The following FAM168A variants were observed in gnomAD, a reference collection of about 807,000 sequenced individuals.
The protein encoded by FAM168A is protein FAM168A.
Under a neutral mutation model 28.5 loss-of-function variants are expected in FAM168A, and 3 were observed. That is an observed-to-expected ratio of 0.11 (90% CI 0.05 to 0.27). The LOEUF is 0.27. FAM168A is among the 10% of genes least tolerant of loss of function. FAM168A has a pLI of 1.00. For synonymous variants in FAM168A, 122 were observed against 124.2 expected (o/e 0.98, Z 0.12); for missense variants, 222 against 311.5 (o/e 0.71, Z 2.16).
intron 1 of FAM168A, among the ~76,000 whole-genome samples, chr11:73,554,184 G>A (rs958490883): frequency 1.3e-4 from 19 of 151,954 alleles, no homozygotes; most frequent in African/African-American, 4.4e-4. Context: ...AGACCAGCCC[G>A]GGCAACACAG....
intron 1 of FAM168A, among the ~76,000 whole-genome samples, chr11:73,476,110 T>A (rs540171061): frequency 6.6e-6 from 1 of 152,260 alleles, no homozygotes; most frequent in African/African-American, 2.4e-5. Context: ...TGATCCTGGG[T>A]GAATTTAAGG....
At chr11:73,461,385 T>G (rs1867644346) in intron 2 of FAM168A, among the ~76,000 whole-genome samples, 1 of 152,218 alleles carries the variant, frequency 6.6e-6, no homozygotes, top group Admixed American at 6.5e-5. Flanking sequence ...CTTAAAGTGC[T>G]GGGATTACAG....
At chr11:73,584,408 C>T (rs1944283749) in intron 1 of FAM168A, among the ~76,000 whole-genome samples, 1 of 151,746 alleles carries the variant, frequency 6.6e-6, no homozygotes, top group Non-Finnish European at 1.5e-5. Context: ...AGTGATCCTC[C>T]TGCCTTGGCT....
At chr11:73,555,265 C>A (rs1026052274) in intron 1 of FAM168A, among the ~76,000 whole-genome samples, 1 of 152,096 alleles carries the variant, frequency 6.6e-6, no homozygotes, top group Non-Finnish European at 1.5e-5. Context: ...TTAAGCCAAG[C>A]AGCTATACAT....
chr11:73,574,936 G>A (rs1197332059), intron 1 of FAM168A, among the ~76,000 whole-genome samples: 2 of 144,704 alleles, frequency 1.4e-5, no homozygotes, highest in Non-Finnish European at 3.0e-5. Context: ...TACTCTACTA[G>A]CAGTAGCATT....
At chr11:73,463,494 T>C (rs541239429) in intron 2 of FAM168A, among the ~76,000 whole-genome samples, 136 of 152,256 alleles carry the variant, frequency 8.9e-4, no homozygotes, top group Middle Eastern at 6.8e-3. Flanking sequence ...GAGACATTCA[T>C]GGAGGAGATG....
Position 73,401,685 on chromosome 11 carries a change from T to C in FAM168A, c.*5078A>G, listed in dbSNP as rs996918986. On this transcript the variant is annotated 3_prime_UTR_variant, in exon 8 of 8. Coordinates refer to ENST00000356467, the MANE Select transcript of FAM168A (RefSeq NM_015159.3). ...AGCAAGGATATCCAGGGACTATCCA[T>C]GTGGCCATAGGGAAGCAAGTGCTGT... The C allele has an allele frequency of 1.3e-5, 2 of 152,366 alleles. No individual in the cohort carries two copies. The highest frequency in any genetic ancestry group is 2.1e-4 in the South Asian group (1 of 4,828). 9.4% of individuals were successfully genotyped at this position (152,366 alleles called of 1,614,324 possible). A position where few individuals can be genotyped will look rare whatever the true frequency, so the allele number is the denominator to read the frequency against.
chr11:73,427,212 C>CT (rs1866902575), intron 3 of FAM168A, among the ~76,000 whole-genome samples: 1 of 152,000 alleles, frequency 6.6e-6, no homozygotes, highest in Admixed American at 6.6e-5. Context: ...AGGATGGTCT[C>CT]TATCTCCTGA....
intron 1 of FAM168A, among the ~76,000 whole-genome samples, chr11:73,573,680 C>T (rs1944136207): frequency 6.6e-6 from 1 of 152,074 alleles, no homozygotes; most frequent in Admixed American, 6.5e-5. Context: ...GGCTCATGCC[C>T]GTAATCCCAG....
At chr11:73,481,067 A>G (rs564823337) in intron 1 of FAM168A, among the ~76,000 whole-genome samples, 20 of 151,238 alleles carry the variant, frequency 1.3e-4, no homozygotes, top group South Asian at 6.2e-4. Context: ...CCTTCCCTCT[A>G]TCCCTCAGTC....
At chr11:73,457,056 T>C (rs1867545765) in intron 2 of FAM168A, among the ~76,000 whole-genome samples, 2 of 152,182 alleles carry the variant, frequency 1.3e-5, no homozygotes, top group South Asian at 2.1e-4. Context: ...TATTGTATGA[T>C]TCTACTTATA....
intron 1 of FAM168A, among the ~76,000 whole-genome samples, chr11:73,587,867 A>G (rs1227906397): frequency 6.6e-6 from 1 of 152,032 alleles, no homozygotes; most frequent in Non-Finnish European, 1.5e-5. Flanking sequence ...CTTCTGCCTC[A>G]GCCTCCCAAG....
In FAM168A at chr11:73,577,416, A is replaced by T. The variant is rs934924610; in HGVS notation, c.-19+20507T>A. Among the ~76,000 whole-genome samples the T allele has an allele frequency of 2.0e-5, 3 of 152,272 alleles. No homozygotes were observed. In the South Asian group the frequency reaches 6.2e-4, roughly 32 times the overall value. On this transcript the variant is annotated intron_variant, in intron 1 of 7. Transcript: ENST00000356467. ...ACAAATTATTTATCTGTTGTTATTT[A>T]TTTTTGCCACTTTATTCTATTAGCA...
intron 1 of FAM168A, among the ~76,000 whole-genome samples, chr11:73,576,358 C>T (rs887289337): frequency 4.6e-5 from 7 of 152,148 alleles, no homozygotes; most frequent in South Asian, 2.1e-4. Context: ...CAAATACCAC[C>T]GGGCAGTTAT....
intron 1 of FAM168A, among the ~76,000 whole-genome samples, chr11:73,595,651 G>C (rs531959050): frequency 6.6e-6 from 1 of 152,202 alleles, no homozygotes; most frequent in African/African-American, 2.4e-5. Flanking sequence ...TCATCGTTCT[G>C]CCCTAAGAAT....
intron 1 of FAM168A, among the ~76,000 whole-genome samples, chr11:73,514,215 G>C (rs970715470): frequency 2.0e-5 from 3 of 151,986 alleles, no homozygotes; most frequent in African/African-American, 7.3e-5. Flanking sequence ...CTGGGCAACA[G>C]AGTGAGACCC....
intron 7 of FAM168A, among the ~76,000 whole-genome samples, chr11:73,406,971 G>A (rs1866517657): frequency 6.6e-6 from 1 of 152,218 alleles, no homozygotes; most frequent in African/African-American, 2.4e-5. Context: ...CACTGTCACT[G>A]CCTCAGGAGC....
At position 73,460,499 on chromosome 11, in the gene FAM168A, CTTTTTTTTTTTT is replaced by C. The variant is rs547956382; in HGVS notation, c.70+7894_70+7905del. On this transcript the variant is annotated intron_variant, in intron 2 of 7. Coordinates refer to ENST00000356467, the MANE Select transcript of FAM168A (RefSeq NM_015159.3). ...GAATAATAAACAAAGGCTACTAATG[CTTTTTTTTTTTT>C]TTTTTTTTTTGAGACAAAGTCTCAC... 2.7e-4 allele frequency among the ~76,000 whole-genome samples: 30 copies of C among 112,822 alleles called. 1 individual carries two copies. In the Admixed American group the frequency reaches 2.7e-3, roughly 10 times the overall value. The allele number at this position is 112,822 out of a possible 152,430, so 74.0% of individuals were successfully genotyped here.
At chr11:73,529,126 G>C (rs1331452854) in intron 1 of FAM168A, among the ~76,000 whole-genome samples, 1 of 152,198 alleles carries the variant, frequency 6.6e-6, no homozygotes, top group Middle Eastern at 3.2e-3. Flanking sequence ...GCTTGCAAGT[G>C]CTGCTATTGT....
Sources: allele counts gnomAD v4.1 joint callset (sites outside exome capture counted in the v4.1 genomes callset), GRCh38; gene constraint gnomAD v4.1.1; transcripts MANE v1.5; gene names NCBI Gene and HGNC (gene_info 2026-07-23, HGNC 2026-07-21).